The following JMJD1C variants were observed in gnomAD, a reference collection of about 807,000 sequenced individuals.
JMJD1C encodes jumonji domain-containing protein 1C.
A neutral mutation model predicts 245.3 loss-of-function variants in JMJD1C; 31 were observed. The ratio of observed to expected loss-of-function variants is 0.13; its 90% CI spans 0.09 to 0.17. JMJD1C has a LOEUF of 0.17. JMJD1C is among the 10% of genes least tolerant of loss of function. JMJD1C has a pLI of 1.00. For missense variants in JMJD1C, 2,691 were observed against 3,000.2 expected, an observed-to-expected ratio of 0.90 and a Z score of 2.41; for synonymous variants, 1,057 against 1,017.4, an observed-to-expected ratio of 1.04 and a Z score of -0.74.
intron 25 of JMJD1C, 97 bp downstream of exon 25, chr10:63,168,338 G>C (rs878962031): frequency 3.1e-6 from 4 of 1,281,018 alleles, no homozygotes; most frequent in Non-Finnish European, 4.3e-6. Context: ...ACCCTAATGT[G>C]ACCAACTAGG....
At chr10:63,358,378 T>C (rs1484948007) in intron 2 of JMJD1C, among the ~76,000 whole-genome samples, 1 of 149,406 alleles carries the variant, frequency 6.7e-6, no homozygotes, top group Non-Finnish European at 1.5e-5. Flanking sequence ...AAATATGACA[T>C]AACAATTTAA....
Position 63,208,614 on chromosome 10 carries a change from T to G in JMJD1C, c.3055A>C (p.Lys1019Gln), listed in dbSNP as rs942560435. 1 of 1,613,938 alleles carries G rather than the reference T, an allele frequency of 6.2e-7. No homozygotes were observed. The highest frequency in any genetic ancestry group is 8.5e-7 in the Non-Finnish European group (1 of 1,179,942). The stretch of plus-strand genomic sequence containing the variant: ...TGAAGAATTCGACGGTGTTCCTCTT[T>G]GTATTTGTTTAACCTCTCTCCAGTC... ...QETGERLNKY[K>Q]EEHRRILQES... Residue 1019 changes from lysine to glutamine, a missense_variant, in exon 10 of 26, where the codon AAA (lysine) becomes CAA (glutamine). This residue lies in a region of JMJD1C where 1,562 missense variants were observed against 1,490.7 expected (regional missense o/e 1.05). Coordinates refer to ENST00000399262, the MANE Select transcript of JMJD1C (RefSeq NM_032776.3).
At position 63,202,671 on chromosome 10, in the gene JMJD1C, C is replaced by CATGT. The variant is rs1481906000; in HGVS notation, c.5075-1998_5075-1995dup. ...TGGCTTAATCCACTAGAGAAACACC[C>CATGT]ATGTGTATAACCACACACCACATCT... On this transcript the variant is annotated intron_variant, in intron 10 of 25. Transcript: ENST00000399262. The CATGT allele has an allele frequency of 4.1e-6, 4 of 985,288 alleles. No individual in the cohort carries two copies. The African/African-American group carries it at 7.0e-5, about 17-fold the overall frequency. The allele number at this position is 985,288 out of a possible 1,614,324, so 61.0% of individuals were successfully genotyped here.
At chr10:63,332,616 C>G (rs1053348833) in intron 2 of JMJD1C, among the ~76,000 whole-genome samples, 1 of 152,156 alleles carries the variant, frequency 6.6e-6, no homozygotes, top group African/African-American at 2.4e-5. Flanking sequence ...TTCCAGGTTT[C>G]TCAATTACAA....
Position 63,193,048 on chromosome 10 carries a change from C to T in JMJD1C, c.5966G>A (p.Ser1989Asn). Reference sequence around the variant, plus strand: ...ATCTGTGCCTACATCACTCTCTGGGCTGCTGCCACCATTTTTCTCAGACTT... The same window carrying T: ...ATCTGTGCCTACATCACTCTCTGGGTTGCTGCCACCATTTTTCTCAGACTT... ...PPKSEKNGGS[S>N]PESDVGTDNK... Residue 1989 changes from serine to asparagine, a missense_variant, in exon 16 of 26, where the codon AGC becomes AAC. Ser to Asn is a conservative substitution (Grantham distance 46). Around this residue, in one of 9 missense-constraint regions of JMJD1C, gnomAD observed 275 missense variants for 285.5 expected, o/e 0.96. Transcript: ENST00000399262. 1.2e-6 allele frequency: 2 copies of T among 1,614,070 alleles called. No individual in the cohort carries two copies. The highest frequency in any genetic ancestry group is 1.7e-6 in the Non-Finnish European group (2 of 1,179,958).
At position 63,213,692 on chromosome 10, in the gene JMJD1C, G is replaced by A. The variant is rs1433876948; in HGVS notation, c.2475C>T (p.His825=). ...GTTGTTGCTGGTGTGCTAGCGCTAAGTGGCTCAAGCTGCTGGCATGAGCAC... is the reference window on the plus strand; with the variant it reads ...GTTGTTGCTGGTGTGCTAGCGCTAAATGGCTCAAGCTGCTGGCATGAGCAC... ...LESAHASSLS[H]LALAHQQQQQ... Residue 825 remains histidine, a synonymous_variant, in exon 8 of 26, where the codon CAC becomes CAT. Transcript: ENST00000399262. The A allele has an allele frequency of 2.5e-6, 4 of 1,614,234 alleles. No homozygotes were observed. The highest frequency in any genetic ancestry group is 8.5e-7 in the Non-Finnish European group (1 of 1,180,032).
At chr10:63,520,629 T>C (rs1180935455) in intron 1 of JMJD1C, among the ~76,000 whole-genome samples, 1 of 152,176 alleles carries the variant, frequency 6.6e-6, no homozygotes. Context: ...TGTAATATAG[T>C]TGTAAATCTT....
chr10:63,354,124 C>A (rs1944600133), intron 2 of JMJD1C, among the ~76,000 whole-genome samples: 2 of 152,316 alleles, frequency 1.3e-5, no homozygotes, highest in African/African-American at 4.8e-5. Flanking sequence ...CAGGCATGAG[C>A]CACTGCGCCT....
chr10:63,501,002 T>C (rs544037443), intron 1 of JMJD1C, among the ~76,000 whole-genome samples: 38 of 132,902 alleles, frequency 2.9e-4, no homozygotes, highest in Non-Finnish European at 5.4e-4. Flanking sequence ...TACATTCATA[T>C]AAGATAGACT....
intron 1 of JMJD1C, among the ~76,000 whole-genome samples, chr10:63,481,973 T>C (rs1298894006): frequency 6.6e-6 from 1 of 152,236 alleles, no homozygotes; most frequent in Non-Finnish European, 1.5e-5. Context: ...ACGAACTCAC[T>C]GTACAGTACA....
intron 1 of JMJD1C, among the ~76,000 whole-genome samples, chr10:63,492,627 T>C (rs1053087901): frequency 1.1e-4 from 16 of 152,100 alleles, no homozygotes; most frequent in African/African-American, 2.7e-4. Context: ...TAAGCCAAGA[T>C]TGCGAACACT....
In JMJD1C at chr10:63,362,055, C is replaced by T. The variant is rs544520600; in HGVS notation, c.333+18263G>A. Among the ~76,000 whole-genome samples, 15 of 151,952 alleles carry T rather than the reference C, an allele frequency of 9.9e-5. No individual in the cohort carries two copies. The South Asian group carries it at 2.7e-3, about 27-fold the overall frequency. On this transcript the variant is annotated intron_variant, in intron 2 of 25. Coordinates refer to ENST00000399262, the MANE Select transcript of JMJD1C (RefSeq NM_032776.3). ...TCCGAGACCAGCCTGGCCAACATGG[C>T]AAAACCCCATTGCTACTAAAAATAC...
At chr10:63,357,961 AC>A (rs995323785) in intron 2 of JMJD1C, among the ~76,000 whole-genome samples, 4 of 139,540 alleles carry the variant, frequency 2.9e-5, no homozygotes, top group African/African-American at 7.9e-5. Context: ...AAAAAAAAAA[AC>A]CTCTCAAATT....
At chr10:63,325,434 C>T (rs1408285777) in intron 2 of JMJD1C, among the ~76,000 whole-genome samples, 7 of 152,070 alleles carry the variant, frequency 4.6e-5, no homozygotes, top group Admixed American at 2.0e-4. Flanking sequence ...TCAATCTCCG[C>T]GCTCAATCAA....
At chr10:63,222,388 T>C in intron 3 of JMJD1C, 2 of 968,962 alleles carry the variant, frequency 2.1e-6, no homozygotes, top group Admixed American at 3.4e-5. Flanking sequence ...GATGTCATCC[T>C]ACAAGATGTG....
In JMJD1C at chr10:63,404,253, A is replaced by G. The variant is rs114989977; in HGVS notation, c.169-23771T>C. Among the ~76,000 whole-genome samples the G allele has an allele frequency of 7.2e-3, 1,104 of 152,336 alleles. 19 individuals carry two copies. The highest frequency in any genetic ancestry group is 0.025 in the African/African-American group (1,047 of 41,568). ...CACATAAAATGCAGTTATTTAGAGA[A>G]ACAGCAAATTTGATTTTAGGAAGAA... On this transcript the variant is annotated intron_variant, in intron 1 of 25. Coordinates refer to ENST00000399262, the MANE Select transcript of JMJD1C (RefSeq NM_032776.3).
intron 2 of JMJD1C, among the ~76,000 whole-genome samples, chr10:63,366,048 C>G (rs1390621274): frequency 6.6e-6 from 1 of 152,166 alleles, no homozygotes; most frequent in Non-Finnish European, 1.5e-5. Context: ...AGGAACATAT[C>G]ATTATAATGA....
At chr10:63,249,517 T>C (rs1253593288) in intron 3 of JMJD1C, among the ~76,000 whole-genome samples, 1 of 152,216 alleles carries the variant, frequency 6.6e-6, no homozygotes, top group African/African-American at 2.4e-5. Flanking sequence ...CAATCTATTG[T>C]GTATTTCCAA....
chr10:63,356,173 T>C (rs536023613), intron 2 of JMJD1C, among the ~76,000 whole-genome samples: 6 of 152,324 alleles, frequency 3.9e-5, no homozygotes, highest in Admixed American at 3.9e-4. Context: ...CAGACTCATA[T>C]GTAACACAAC....
Sources: allele counts gnomAD v4.1 joint callset (sites outside exome capture counted in the v4.1 genomes callset), GRCh38; gene constraint gnomAD v4.1.1; regional missense constraint gnomAD v4.1.1; transcripts MANE v1.5; gene names NCBI Gene and HGNC (gene_info 2026-07-23, HGNC 2026-07-21).